Variants in SPAG16 observed in about 807,000 individuals in gnomAD.
SPAG16 encodes the protein sperm-associated antigen 16 protein.
A neutral mutation model predicts 80.4 loss-of-function variants in SPAG16; 86 were observed. The ratio of observed to expected loss-of-function variants is 1.07; its 90% CI spans 0.90 to 1.28. The LOEUF is 1.28. Among genes scored for constraint, SPAG16 ranks in the 50% most tolerant of loss-of-function variants. SPAG16 has a pLI of 0.00. For missense variants in SPAG16, 870 were observed against 765.3 expected (o/e 1.14, Z -1.61); for synonymous variants, 294 against 265.9 (o/e 1.11, Z -1.03).
chr2:214,281,542 T>C (rs1214636810), intron 15 of SPAG16: 1 of 152,364 alleles, frequency 6.6e-6, no homozygotes, highest in Non-Finnish European at 1.5e-5. Context: ...AACTGATTTC[T>C]GATGAAGTTG....
intron 15 of SPAG16, among the ~76,000 whole-genome samples, chr2:214,259,629 T>C (rs1690988203): frequency 6.6e-6 from 1 of 151,796 alleles, no homozygotes; most frequent in East Asian, 1.9e-4. Context: ...ACCTGCCTAT[T>C]TGATTTTTGG....
intron 12 of SPAG16, among the ~76,000 whole-genome samples, chr2:213,991,616 G>C (rs1049498415): frequency 2.6e-5 from 4 of 152,098 alleles, no homozygotes; most frequent in African/African-American, 9.7e-5. Context: ...TTGTCCTGAT[G>C]CTCTGACTGC....
intron 13 of SPAG16, among the ~76,000 whole-genome samples, chr2:214,034,804 C>G (rs577706740): frequency 6.6e-6 from 1 of 152,154 alleles, no homozygotes; most frequent in Non-Finnish European, 1.5e-5. Context: ...GGTCTGGGCT[C>G]CCCTAAGGGC....
intron 10 of SPAG16, among the ~76,000 whole-genome samples, chr2:213,832,184 G>C (rs963165634): frequency 4.0e-5 from 6 of 151,712 alleles, no homozygotes; most frequent in Non-Finnish European, 7.4e-5. Context: ...TTTTAGTAGA[G>C]ATGGGGTTTC....
intron 15 of SPAG16, among the ~76,000 whole-genome samples, chr2:214,257,590 C>A (rs184358524): frequency 1.6e-4 from 25 of 152,010 alleles, no homozygotes; most frequent in Admixed American, 1.5e-3. Flanking sequence ...TTGAAATGAC[C>A]ATGTAATTGT....
chr2:213,911,854 AC>A (rs2077690883), intron 11 of SPAG16, among the ~76,000 whole-genome samples: 1 of 143,818 alleles, frequency 7.0e-6, no homozygotes, highest in Non-Finnish European at 1.5e-5. Context: ...AAAAAAAAAT[AC>A]ACACACGCAC....
intron 10 of SPAG16, among the ~76,000 whole-genome samples, chr2:213,671,395 C>T (rs901727833): frequency 6.6e-6 from 1 of 152,126 alleles, no homozygotes; most frequent in Non-Finnish European, 1.5e-5. Flanking sequence ...GTCAAGATTT[C>T]TCTAAGAACT....
chr2:213,590,916 TGGATTGGTTAA>T (rs75786518), intron 10 of SPAG16, among the ~76,000 whole-genome samples: 40,888 of 152,198 alleles, frequency 0.27, 6,384 homozygotes, highest in Middle Eastern at 0.43. Flanking sequence ...TCATCAGTGA[TGGATTGGTTAA>T]AGAAAATATG....
At position 214,014,107 on chromosome 2, in the gene SPAG16, C is replaced by G. The variant is rs201557786; in HGVS notation, c.1527+30C>G. On this transcript the variant is annotated intron_variant, in intron 13 of 15. Transcript: ENST00000331683. ...GCAAATCATTCACTTTTTTTCCCAG[C>G]TTTTGATAAGTCTGATTACTCTCGG... The G allele has an allele frequency of 2.0e-5, 32 of 1,608,380 alleles. No individual in the cohort carries two copies. The East Asian group carries it at 6.5e-4, about 33-fold the overall frequency.
At chr2:214,339,334 A>C (rs1035091418) in intron 15 of SPAG16, among the ~76,000 whole-genome samples, 1 of 152,206 alleles carries the variant, frequency 6.6e-6, no homozygotes, top group African/African-American at 2.4e-5. Flanking sequence ...TCAACCAGGC[A>C]CTAGATTAAA....
At chr2:213,305,463 C>A (rs1435785347) in intron 3 of SPAG16, among the ~76,000 whole-genome samples, 1 of 152,068 alleles carries the variant, frequency 6.6e-6, no homozygotes, top group Non-Finnish European at 1.5e-5. Flanking sequence ...TTCAGGTTTT[C>A]CCCATTCAGT....
chr2:213,740,316 T>A (rs1179001500), intron 10 of SPAG16, among the ~76,000 whole-genome samples: 1 of 152,194 alleles, frequency 6.6e-6, no homozygotes. Flanking sequence ...GGTAGACACT[T>A]CATTAGTTGA....
intron 10 of SPAG16, among the ~76,000 whole-genome samples, chr2:213,538,640 A>C (rs1266150804): frequency 6.6e-6 from 1 of 152,112 alleles, no homozygotes; most frequent in Non-Finnish European, 1.5e-5. Context: ...CATCACCCTA[A>C]GTATTTTCTC....
chr2:213,865,649 A>G (rs1264451034), intron 11 of SPAG16, among the ~76,000 whole-genome samples: 3 of 149,008 alleles, frequency 2.0e-5, no homozygotes, highest in East Asian at 3.9e-4. Flanking sequence ...TATGTTATAT[A>G]CCTATGAAAA....
intron 15 of SPAG16, among the ~76,000 whole-genome samples, chr2:214,378,933 C>T (rs1294821809): frequency 1.3e-5 from 2 of 152,188 alleles, no homozygotes; most frequent in East Asian, 1.9e-4. Flanking sequence ...CCTCATGACT[C>T]GTTCTGCCAG....
chr2:213,728,066 C>G (rs1399825243), intron 10 of SPAG16, among the ~76,000 whole-genome samples: 1 of 152,150 alleles, frequency 6.6e-6, no homozygotes, highest in Admixed American at 6.5e-5. Context: ...TCAGGCTGGT[C>G]TCAAACTCCT....
At chr2:213,968,209 C>G (rs2044817296) in intron 12 of SPAG16, among the ~76,000 whole-genome samples, 1 of 151,534 alleles carries the variant, frequency 6.6e-6, no homozygotes, top group African/African-American at 2.4e-5. Context: ...GAGTCTCACT[C>G]CATCACCCAG....
At chr2:214,339,739 C>G (rs1697537957) in intron 15 of SPAG16, among the ~76,000 whole-genome samples, 1 of 152,166 alleles carries the variant, frequency 6.6e-6, no homozygotes, top group South Asian at 2.1e-4. Context: ...ACCACCTTGT[C>G]TTTTTAAAAT....
chr2:213,464,883 G>C (rs963859395), intron 9 of SPAG16, among the ~76,000 whole-genome samples: 1 of 152,186 alleles, frequency 6.6e-6, no homozygotes, highest in Non-Finnish European at 1.5e-5. Context: ...AGTTGTAGCT[G>C]AAAGGTATAT....
Sources: allele counts gnomAD v4.1 joint callset (sites outside exome capture counted in the v4.1 genomes callset), GRCh38; gene constraint gnomAD v4.1.1; transcripts MANE v1.5; gene names NCBI Gene and HGNC (gene_info 2026-07-23, HGNC 2026-07-21).